DCDC1: variants seen among roughly 807,000 people sequenced by gnomAD.
DCDC1 encodes doublecortin domain-containing protein 1.
DCDC1 carries 200 observed loss-of-function variants against 178.3 expected under a neutral mutation model. The ratio of observed to expected loss-of-function variants is 1.12; its 90% CI spans 1.00 to 1.26. The LOEUF (loss-of-function observed/expected upper bound fraction) is 1.26, where lower values mean the gene tolerates loss of function less well. Ranked by LOEUF, DCDC1 falls within the 50% of genes most tolerant of loss-of-function variation. DCDC1 has a pLI of 0.00. For synonymous variants in DCDC1, 690 were observed against 604.8 expected (o/e 1.14, Z -2.07); for missense variants, 1,983 against 1,749.2 (o/e 1.13, Z -2.38).
chr11:30,907,504 T>C (rs544511705), intron 29 of DCDC1, among the ~76,000 whole-genome samples: 1 of 152,322 alleles, frequency 6.6e-6, no homozygotes, highest in African/African-American at 2.4e-5. Flanking sequence ...ACAAATGTGA[T>C]GCAAGCAGAT....
intron 9 of DCDC1, among the ~76,000 whole-genome samples, chr11:31,153,818 A>ACACACACACACACACACACACAC (rs61493499): frequency 1.4e-5 from 2 of 143,382 alleles, no homozygotes; most frequent in African/African-American, 2.9e-5. Context: ...ACACACACAC[A>ACACACACACACACACACACACAC]ATTACCATAA....
intron 36 of DCDC1, among the ~76,000 whole-genome samples, chr11:30,886,587 T>A (rs940246074): frequency 6.6e-6 from 1 of 152,214 alleles, no homozygotes; most frequent in African/African-American, 2.4e-5. Flanking sequence ...TCTCCCTCTC[T>A]CTTCCTCTTC....
At chr11:31,292,940 C>T (rs967707123) in intron 6 of DCDC1, among the ~76,000 whole-genome samples, 11 of 152,014 alleles carry the variant, frequency 7.2e-5, no homozygotes, top group African/African-American at 2.7e-4. Context: ...CCCCTAGATG[C>T]TTTGCATGGT....
chr11:31,174,443 C>T (rs966462757), intron 9 of DCDC1, among the ~76,000 whole-genome samples: 30 of 152,190 alleles, frequency 2.0e-4, no homozygotes, highest in South Asian at 6.2e-4. Context: ...GTGCTGAGGG[C>T]AGCTCGGTGC....
rs576792873 is a variant in DCDC1, at chr11:31,198,880, T to C, written c.1221+42570A>G. Among the ~76,000 whole-genome samples, 3 of 151,992 alleles carry C rather than the reference T, an allele frequency of 2.0e-5. No individual in the cohort carries two copies. In the South Asian group the frequency reaches 6.2e-4, roughly 32 times the overall value. ...TTGAAGTTGCCCCCAAAAGCTGACC[T>C]CTGAATAAAGAAATCATTTTAAATT... On this transcript the variant is annotated intron_variant, in intron 9 of 38. Transcript: ENST00000684477.
chr11:31,265,957 G>T (rs1458667357), intron 7 of DCDC1, among the ~76,000 whole-genome samples: 1 of 149,138 alleles, frequency 6.7e-6, no homozygotes, highest in African/African-American at 2.5e-5. Flanking sequence ...TTAATAAATG[G>T]TAGACCTTTA....
At chr11:31,308,724 G>A (rs1275434801) in intron 3 of DCDC1, among the ~76,000 whole-genome samples, 1 of 152,096 alleles carries the variant, frequency 6.6e-6, no homozygotes, top group Non-Finnish European at 1.5e-5. Flanking sequence ...ACCAAGTTGG[G>A]AAGATGAATA....
At chr11:31,066,001 A>G (rs1011831141) in intron 18 of DCDC1, among the ~76,000 whole-genome samples, 13 of 152,174 alleles carry the variant, frequency 8.5e-5, no homozygotes, top group African/African-American at 1.2e-4. Flanking sequence ...GGAAAGAGTA[A>G]TGTAGCATAA....
chr11:31,367,168 A>T (rs1023597587), intron 1 of DCDC1, among the ~76,000 whole-genome samples: 1 of 152,174 alleles, frequency 6.6e-6, no homozygotes, highest in Non-Finnish European at 1.5e-5. Flanking sequence ...GCATAGTGGC[A>T]TGCACCTGTG....
intron 19 of DCDC1, 53 bp from the exon 20 acceptor site, chr11:31,064,679 T>C (rs1231516984): frequency 7.9e-6 from 6 of 758,346 alleles, no homozygotes; most frequent in East Asian, 2.4e-5. Flanking sequence ...AATGGAAATA[T>C]CTAAACTATA....
rs753233669 is a variant in DCDC1 at position 30,916,949 on chromosome 11, CA to C, written c.3372del (p.His1124GlnfsTer52). On this transcript the variant is annotated frameshift_variant, in exon 26 of 39. Transcript: ENST00000684477. LOFTEE classifies it high-confidence loss of function. Reference protein sequence around the residue: ...LPRYAWQETSHDFDEDDSLPK... With the variant: ...LPRYAWQETSXDFDEDDSLPK... ...GGAAGACTGTCATCCTCATCAAAGT[CA>C]TGTGAAGTTTCCTGCCAGGCATACC... 6.2e-7 allele frequency: 1 copy of C among 1,610,340 alleles called. No homozygotes were observed. Among genetic ancestry groups the C allele is most frequent in the Non-Finnish European group, 8.5e-7 (1 of 1,178,314 alleles).
At chr11:31,145,134 A>G (rs1005035537) in intron 9 of DCDC1, among the ~76,000 whole-genome samples, 1 of 152,184 alleles carries the variant, frequency 6.6e-6, no homozygotes, top group African/African-American at 2.4e-5. Context: ...TTGGGCCACA[A>G]TCCCTATCTG....
At chr11:31,187,181 G>T (rs1969602031) in intron 9 of DCDC1, among the ~76,000 whole-genome samples, 1 of 152,178 alleles carries the variant, frequency 6.6e-6, no homozygotes, top group Non-Finnish European at 1.5e-5. Context: ...GCTGTGAACA[G>T]TGCCTGACAC....
intron 9 of DCDC1, among the ~76,000 whole-genome samples, chr11:31,164,637 T>C (rs1966616266): frequency 6.6e-6 from 1 of 152,144 alleles, no homozygotes; most frequent in Non-Finnish European, 1.5e-5. Context: ...AGCTGTACAA[T>C]TTGTGCTGTA....
rs1014067591 is a variant in DCDC1, at chr11:31,308,063, G to A, written c.165-155C>T. On this transcript the variant is annotated intron_variant, in intron 3 of 38. Transcript: ENST00000684477. ...AATGCCTACAATATTCCTGGGAAGT[G>A]GTTATTATTTTTATTCCCATTTTAC... Among the ~76,000 whole-genome samples, 6 of 152,212 alleles carry A rather than the reference G, an allele frequency of 3.9e-5. No individual in the cohort carries two copies. In the East Asian group the frequency reaches 9.6e-4, roughly 24 times the overall value.
rs904402353 is a variant in DCDC1 at position 30,909,071 on chromosome 11, A to T, written c.3793T>A (p.Tyr1265Asn). 1 of 1,611,664 alleles carries T rather than the reference A, an allele frequency of 6.2e-7. No individual in the cohort carries two copies. Among genetic ancestry groups the T allele is most frequent in the East Asian group, 2.2e-5 (1 of 44,732 alleles). The part of the protein sequence containing the change: ...NNGAANQKWH[Y>N]MKNIKALVAF... ...ACAAGTGCTTTTATATTTTTCATGT[A>T]ATGCCACTTTTGATTGGCAGCTCCA... The change falls in exon 29 of 39, where the codon TAC (tyrosine) becomes AAC (asparagine). Residue 1265 changes from tyrosine to asparagine, a missense_variant. Transcript: ENST00000684477.
intron 1 of DCDC1, among the ~76,000 whole-genome samples, chr11:31,360,718 A>G (rs1472453088): frequency 6.6e-6 from 1 of 152,194 alleles, no homozygotes; most frequent in Non-Finnish European, 1.5e-5. Flanking sequence ...GTATGTTAGA[A>G]GTGGAAAGAG....
At chr11:31,299,426 A>G (rs1195877434) in intron 6 of DCDC1, among the ~76,000 whole-genome samples, 2 of 152,194 alleles carry the variant, frequency 1.3e-5, no homozygotes, top group Non-Finnish European at 2.9e-5. Context: ...ATGGCAGCTT[A>G]AAGTTAAGAC....
intron 9 of DCDC1, among the ~76,000 whole-genome samples, chr11:31,186,427 CT>C (rs1241201529): frequency 1.3e-5 from 2 of 152,226 alleles, no homozygotes; most frequent in Non-Finnish European, 2.9e-5. Flanking sequence ...CTTAACTGTA[CT>C]GCATCCAGTT....
Sources: gnomAD v4.1 joint callset for allele counts (sites outside exome capture counted in the v4.1 genomes callset) on GRCh38, gnomAD v4.1.1 for gene constraint, MANE v1.5 for transcripts, NCBI Gene and HGNC (gene_info 2026-07-23, HGNC 2026-07-21) for gene names.